Variants in KTN1 observed in about 807,000 individuals in gnomAD.
The protein encoded by KTN1 is kinectin 1.
Under a neutral mutation model 222.5 loss-of-function variants are expected in KTN1, and 130 were observed. The observed-to-expected ratio is 0.58, with a 90% CI of 0.51 to 0.68. KTN1 has a LOEUF of 0.68. KTN1 is among the 30% of genes least tolerant of loss of function. The pLI is 0.00. For missense variants in KTN1, 1,508 were observed against 1,500.4 expected, an observed-to-expected ratio of 1.01 and a Z score of -0.08; for synonymous variants, 512 against 496.3, an observed-to-expected ratio of 1.03 and a Z score of -0.42.
At chr14:55,650,679 T>C in intron 24 of KTN1, 42 bp downstream of exon 24, 1 of 1,405,822 alleles carries the variant, frequency 7.1e-7, no homozygotes, top group Non-Finnish European at 1.0e-6. Flanking sequence ...TTATTAGTTG[T>C]GTTATTTATG....
intron 12 of KTN1, among the ~76,000 whole-genome samples, chr14:55,638,291 A>T (rs1373529343): frequency 1.3e-5 from 2 of 151,944 alleles, no homozygotes; most frequent in African/African-American, 4.8e-5. Flanking sequence ...ACCTCAGTTT[A>T]GTGACTCAGC....
At chr14:55,664,458 A>G (rs1002933056) in intron 33 of KTN1, among the ~76,000 whole-genome samples, 1 of 152,180 alleles carries the variant, frequency 6.6e-6, no homozygotes, top group Non-Finnish European at 1.5e-5. Flanking sequence ...GATGTCTCAG[A>G]TAAGGTAGAG....
At chr14:55,583,444 T>C (rs2032198282) in intron 1 of KTN1, among the ~76,000 whole-genome samples, 1 of 152,226 alleles carries the variant, frequency 6.6e-6, no homozygotes, top group African/African-American at 2.4e-5. Flanking sequence ...TTTAGTATTT[T>C]ACGAATCGTC....
intron 4 of KTN1, 86 bp from the exon 5 acceptor site, chr14:55,619,096 G>T: frequency 9.2e-7 from 1 of 1,089,940 alleles, no homozygotes; most frequent in Non-Finnish European, 1.3e-6. Context: ...TCTGGGCCGT[G>T]AATTCTTCAT....
intron 1 of KTN1, among the ~76,000 whole-genome samples, chr14:55,596,154 C>CAAAAAAAAAAAAAAAAAAAGA (rs2035002898): frequency 4.9e-5 from 3 of 61,104 alleles, no homozygotes; most frequent in African/African-American, 6.8e-5. Flanking sequence ...GACTCAATAG[C>CAAAAAAAAAAAAAAAAAAAGA]AAAAAAAAAA....
chr14:55,670,717 T>C lies in KTN1; in HGVS notation c.3268-12T>C. ...TTTGGAAATTAATGATTTTAACTTT[T>C]CTCGTCCACAGAGTTATGGTGAATG... On this transcript the variant is annotated splice_polypyrimidine_tract_variant and intron_variant, in intron 34 of 43. Transcript: ENST00000395314. The C allele has an allele frequency of 6.4e-7, 1 of 1,566,376 alleles. No homozygotes were observed. The highest frequency in any genetic ancestry group is 8.7e-7 in the Non-Finnish European group (1 of 1,154,040).
At chr14:55,597,390 A>C (rs2035234183) in intron 1 of KTN1, among the ~76,000 whole-genome samples, 1 of 152,216 alleles carries the variant, frequency 6.6e-6, no homozygotes, top group Non-Finnish European at 1.5e-5. Flanking sequence ...AGTGAATCAG[A>C]ATGAACATTT....
At chr14:55,610,907 C>T (rs748689460) in intron 1 of KTN1, among the ~76,000 whole-genome samples, 23 of 152,350 alleles carry the variant, frequency 1.5e-4, no homozygotes, top group Non-Finnish European at 2.4e-4. Context: ...CTTCCCGCCC[C>T]GGGCGTACTT....
intron 12 of KTN1, 25 bp from the exon 13 acceptor site, chr14:55,639,160 T>C (rs928200987): frequency 1.7e-5 from 26 of 1,531,596 alleles, no homozygotes; most frequent in South Asian, 3.4e-5. Context: ...AATACTTTTA[T>C]GTTGACACTA....
At chr14:55,598,052 C>G (rs779326680) in intron 1 of KTN1, among the ~76,000 whole-genome samples, 1 of 152,108 alleles carries the variant, frequency 6.6e-6, no homozygotes, top group Non-Finnish European at 1.5e-5. Context: ...AGAGGGAAAA[C>G]TCTTTGCTAG....
chr14:55,644,292 T>A (rs1330714358), intron 18 of KTN1: 2 of 637,228 alleles, frequency 3.1e-6, no homozygotes, highest in Non-Finnish European at 5.8e-6. Flanking sequence ...AGTTGAGAGA[T>A]TGAACAGTTT....
chr14:55,584,232 A>G (rs191067164), intron 1 of KTN1, among the ~76,000 whole-genome samples: 55 of 131,608 alleles, frequency 4.2e-4, no homozygotes, highest in African/African-American at 1.3e-3. Context: ...AAGGTTAGCT[A>G]CTATCATCCC....
At chr14:55,632,010 A>G (rs1452903814) in intron 7 of KTN1, among the ~76,000 whole-genome samples, 2 of 152,108 alleles carry the variant, frequency 1.3e-5, no homozygotes, top group Non-Finnish European at 2.9e-5. Flanking sequence ...TCAGAGTCCC[A>G]GTGTTTTCCT....
At chr14:55,660,668 T>G (rs2044034514) in intron 31 of KTN1, among the ~76,000 whole-genome samples, 1 of 152,220 alleles carries the variant, frequency 6.6e-6, no homozygotes, top group African/African-American at 2.4e-5. Context: ...GTCTTGAGTT[T>G]GACTATATAG....
rs373796242 is a variant in KTN1 at position 55,653,596 on chromosome 14, T to C, written c.2801T>C (p.Val934Ala). The C allele has an allele frequency of 3.7e-6, 6 of 1,608,068 alleles. No homozygotes were observed. Among genetic ancestry groups the C allele is most frequent in the Non-Finnish European group, 5.1e-6 (6 of 1,175,088 alleles). ...SASQFEELEI[V>A]LKEKENELKR... is the part of the protein sequence containing the mutation. ...TCACAGTTTGAAGAACTTGAGATTG[T>C]GTAAGTATGCTTTAAGACCACATTT... The change falls in exon 28 of 44, where the codon GTG becomes GCG. Residue 934 changes from valine to alanine, a missense_variant and splice_region_variant. By Grantham distance (64) the Val-to-Ala change is moderately conservative. Transcript: ENST00000395314.
Position 55,650,336 on chromosome 14 carries a change from A to T in KTN1, c.2414A>T (p.Glu805Val). ...LVEELKKVIH[E>V]KDGKIKSVEE... ...GCATTTCTTTATTGAAGGATCCATG[A>T]GAAAGATGGAAAGATCAAGTCTGTA... The change falls in exon 23 of 44, where the codon GAG (glutamate) becomes GTG (valine). Residue 805 changes from glutamate (E) to valine (V), a missense_variant. Coordinates refer to ENST00000395314, the MANE Select transcript of KTN1 (RefSeq NM_001079521.2). 6.3e-7 allele frequency: 1 copy of T among 1,595,862 alleles called. No individual in the cohort carries two copies. Among genetic ancestry groups the T allele is most frequent in the Admixed American group, 1.8e-5 (1 of 55,668 alleles).
chr14:55,612,098 T>C lies in KTN1; in HGVS notation c.50T>C (p.Val17Ala). The stretch of plus-strand genomic sequence containing the variant: ...TTTATTGTTCTTATTCCTTCAATAG[T>C]TATTACAGTAATTTTCCTCTTCTTC... ...AYFIVLIPSI[V>A]ITVIFLFFWL... is the part of the protein sequence containing the mutation. The change falls in exon 2 of 44, where the codon GTT becomes GCT. Residue 17 changes from valine (V) to alanine (A), a missense_variant. Val to Ala is a moderately conservative substitution (Grantham distance 64). Coordinates refer to ENST00000395314, the MANE Select transcript of KTN1 (RefSeq NM_001079521.2). 6.5e-7 allele frequency: 1 copy of C among 1,544,518 alleles called. No individual in the cohort carries two copies. The highest frequency in any genetic ancestry group is 8.7e-7 in the Non-Finnish European group (1 of 1,152,552).
intron 18 of KTN1, 93 bp from the exon 19 acceptor site, chr14:55,646,880 C>A: frequency 2.5e-6 from 2 of 798,794 alleles, no homozygotes; most frequent in Admixed American, 2.1e-5. Flanking sequence ...ATTTAATAAC[C>A]CTAAACAATT....
intron 2 of KTN1, among the ~76,000 whole-genome samples, chr14:55,615,929 C>T (rs1351309719): frequency 2.8e-5 from 4 of 141,852 alleles, no homozygotes; most frequent in Admixed American, 7.2e-5. Flanking sequence ...TTTCCTTTTT[C>T]TTTCGACAGG....
Sources: gnomAD v4.1 joint callset for allele counts (sites outside exome capture counted in the v4.1 genomes callset) on GRCh38, gnomAD v4.1.1 for gene constraint, MANE v1.5 for transcripts, NCBI Gene and HGNC (gene_info 2026-07-23, HGNC 2026-07-21) for gene names.